The following PDZRN4 variants were observed in gnomAD, a reference collection of about 807,000 sequenced individuals.
PDZRN4 encodes the protein PDZ domain-containing RING finger protein 4.
Under a neutral mutation model 99.0 loss-of-function variants are expected in PDZRN4, and 70 were observed. The observed-to-expected ratio is 0.71, with a 90% confidence interval of 0.58 to 0.86. The LOEUF is 0.86. Ranked by LOEUF, PDZRN4 falls within the 40% of genes least tolerant of loss-of-function variation. The pLI, the probability that PDZRN4 is intolerant of heterozygous loss-of-function variation, is 0.00. For synonymous variants in PDZRN4, 551 were observed against 501.6 expected, an observed-to-expected ratio of 1.10 and a Z score of -1.32; for missense variants, 1,474 against 1,331.2, an observed-to-expected ratio of 1.11 and a Z score of -1.67.
intron 3 of PDZRN4, among the ~76,000 whole-genome samples, chr12:41,379,987 G>C (rs1440590069): frequency 6.6e-6 from 1 of 151,978 alleles, no homozygotes; most frequent in East Asian, 1.9e-4. Flanking sequence ...TCTCCTTTCA[G>C]TTCTGTTAGC....
At chr12:41,376,750 C>T (rs1223623491) in intron 3 of PDZRN4, among the ~76,000 whole-genome samples, 3 of 151,980 alleles carry the variant, frequency 2.0e-5, no homozygotes, top group Non-Finnish European at 4.4e-5. Flanking sequence ...CACTTACTTA[C>T]TTTTGCTTTT....
chr12:41,496,520 T>C (rs1323748828), intron 3 of PDZRN4, among the ~76,000 whole-genome samples: 1 of 152,108 alleles, frequency 6.6e-6, no homozygotes, highest in Admixed American at 6.6e-5. Context: ...TTCTGAGTGA[T>C]TCCCACGTCG....
rs1289564912 is a variant in PDZRN4 at position 41,319,899 on chromosome 12, C to T, written c.843+125711C>T. On this transcript the variant is annotated intron_variant, in intron 3 of 9. Coordinates refer to ENST00000402685, the MANE Select transcript of PDZRN4 (RefSeq NM_001164595.2). Reference sequence around the variant, plus strand: ...CTTTTTAAACCTATGGTAGCCCTACCCTTTTCTGCAACAAGAGCCACTCCA... The same window carrying T: ...CTTTTTAAACCTATGGTAGCCCTACTCTTTTCTGCAACAAGAGCCACTCCA... Among the ~76,000 whole-genome samples the T allele has an allele frequency of 2.6e-5, 4 of 152,218 alleles. No individual in the cohort carries two copies. In the East Asian group the frequency reaches 7.7e-4, roughly 29 times the overall value.
chr12:41,375,787 C>G (rs1305038929), intron 3 of PDZRN4, among the ~76,000 whole-genome samples: 1 of 151,926 alleles, frequency 6.6e-6, no homozygotes, highest in Non-Finnish European at 1.5e-5. Flanking sequence ...CATTTAAGGT[C>G]TACTCTGTTG....
chr12:41,452,276 A>C (rs1952781366), intron 3 of PDZRN4, among the ~76,000 whole-genome samples: 2 of 49,406 alleles, frequency 4.0e-5, no homozygotes, highest in Non-Finnish European at 7.4e-5. Context: ...AAAAAATACA[A>C]AAAAAAAAAA....
At chr12:41,442,126 G>T (rs1469575404) in intron 3 of PDZRN4, among the ~76,000 whole-genome samples, 2 of 152,058 alleles carry the variant, frequency 1.3e-5, no homozygotes, top group South Asian at 2.1e-4. Context: ...TGGCTTCTAG[G>T]TTTCTTTCCA....
At chr12:41,525,627 A>G (rs1161537593) in intron 5 of PDZRN4, among the ~76,000 whole-genome samples, 5 of 152,120 alleles carry the variant, frequency 3.3e-5, no homozygotes, top group Non-Finnish European at 4.4e-5. Flanking sequence ...TAGATTTGTT[A>G]TATATCTCTA....
intron 3 of PDZRN4, among the ~76,000 whole-genome samples, chr12:41,370,115 T>A (rs1399342691): frequency 5.3e-5 from 8 of 152,002 alleles, no homozygotes. Context: ...AAACTAATTA[T>A]AATTGATGTT....
Position 41,370,552 on chromosome 12 carries a change from C to A in PDZRN4, c.844-135904C>A, listed in dbSNP as rs542418764. 3.3e-5 allele frequency among the ~76,000 whole-genome samples: 5 copies of A among 151,892 alleles called. No homozygotes were observed. The South Asian group carries it at 1.0e-3, about 31-fold the overall frequency. ...CAGCACTATGTCTAGAGTGTGATTT[C>A]TTTTTGCTTATCTGCTCAGGGCTTG... On this transcript the variant is annotated intron_variant, in intron 3 of 9. Coordinates refer to ENST00000402685, the MANE Select transcript of PDZRN4 (RefSeq NM_001164595.2).
intron 8 of PDZRN4, among the ~76,000 whole-genome samples, chr12:41,567,132 T>G (rs1939387318): frequency 6.6e-6 from 1 of 152,328 alleles, no homozygotes; most frequent in African/African-American, 2.4e-5. Flanking sequence ...TCCACTGAGG[T>G]GTTTTTCCTA....
chr12:41,367,878 A>T (rs1952013309), intron 3 of PDZRN4, among the ~76,000 whole-genome samples: 1 of 152,144 alleles, frequency 6.6e-6, no homozygotes, highest in Admixed American at 6.6e-5. Context: ...AGGCAGAAGG[A>T]TTCTTTGAGA....
At chr12:41,387,215 C>T (rs1283474003) in intron 3 of PDZRN4, among the ~76,000 whole-genome samples, 1 of 152,042 alleles carries the variant, frequency 6.6e-6, no homozygotes, top group African/African-American at 2.4e-5. Context: ...TCAAACTATT[C>T]CTCTAACAAA....
chr12:41,395,343 G>T (rs73274460), intron 3 of PDZRN4, among the ~76,000 whole-genome samples: 1,936 of 152,232 alleles, frequency 0.013, 52 homozygotes, highest in African/African-American at 0.044. Context: ...TGGGAGAAAT[G>T]GGAGACATAA....
chr12:41,273,905 T>C (rs1045677141), intron 3 of PDZRN4, among the ~76,000 whole-genome samples: 41 of 152,164 alleles, frequency 2.7e-4, no homozygotes, highest in African/African-American at 9.9e-4. Context: ...CCCATTATCA[T>C]TTATCATTTT....
intron 5 of PDZRN4, among the ~76,000 whole-genome samples, chr12:41,548,521 G>C (rs1443860378): frequency 1.3e-5 from 2 of 152,164 alleles, no homozygotes; most frequent in Non-Finnish European, 2.9e-5. Context: ...ACATTCCCCT[G>C]TTGTCAACTG....
chr12:41,351,163 T>C (rs1330555407), intron 3 of PDZRN4, among the ~76,000 whole-genome samples: 5 of 152,100 alleles, frequency 3.3e-5, no homozygotes, highest in Non-Finnish European at 7.4e-5. Context: ...AAGACATAGA[T>C]TAGAGTCATT....
intron 3 of PDZRN4, among the ~76,000 whole-genome samples, chr12:41,260,285 T>C (rs1402560652): frequency 1.3e-5 from 2 of 152,140 alleles, no homozygotes; most frequent in Non-Finnish European, 2.9e-5. Flanking sequence ...AGCAGCATTT[T>C]TGTATAGTTT....
chr12:41,491,883 C>G (rs1937893199), intron 3 of PDZRN4, among the ~76,000 whole-genome samples: 1 of 152,126 alleles, frequency 6.6e-6, no homozygotes, highest in South Asian at 2.1e-4. Context: ...TATTCCGTAT[C>G]TGGTTCCTAG....
intron 3 of PDZRN4, among the ~76,000 whole-genome samples, chr12:41,215,112 T>G (rs1195980102): frequency 6.6e-6 from 1 of 152,072 alleles, no homozygotes; most frequent in Non-Finnish European, 1.5e-5. Flanking sequence ...ATAGTGAACT[T>G]GCTTTCCTGA....
Sources: allele counts gnomAD v4.1 joint callset (sites outside exome capture counted in the v4.1 genomes callset), GRCh38; gene constraint gnomAD v4.1.1; transcripts MANE v1.5; gene names NCBI Gene and HGNC (gene_info 2026-07-23, HGNC 2026-07-21).